KIFAP3: variants seen among roughly 807,000 people sequenced by gnomAD.
The protein encoded by KIFAP3 is kinesin associated protein 3.
KIFAP3 carries 68 observed loss-of-function variants against 106.5 expected under a neutral mutation model. The ratio of observed to expected loss-of-function variants is 0.64; its 90% CI spans 0.53 to 0.78. The LOEUF is 0.78. Ranked by LOEUF, KIFAP3 falls within the 30% of genes least tolerant of loss-of-function variation. The pLI is 0.00. For synonymous variants in KIFAP3, 320 were observed against 311.5 expected (o/e 1.03, Z -0.29); for missense variants, 780 against 941.8 (o/e 0.83, Z 2.25).
At chr1:169,978,252 G>A (rs1666332603) in intron 15 of KIFAP3, 69 bp from the exon 16 acceptor site, 2 of 992,046 alleles carry the variant, frequency 2.0e-6, no homozygotes, top group African/African-American at 1.6e-5. Context: ...TAATTGAGGG[G>A]AATAATATAG....
At chr1:170,008,297 T>C (rs558345352) in intron 10 of KIFAP3, among the ~76,000 whole-genome samples, 2 of 151,552 alleles carry the variant, frequency 1.3e-5, no homozygotes, top group Non-Finnish European at 2.9e-5. Context: ...AGAGCTTCTG[T>C]ACAGCAAAAG....
At chr1:170,014,546 A>T (rs780967495) in intron 10 of KIFAP3, among the ~76,000 whole-genome samples, 1 of 152,214 alleles carries the variant, frequency 6.6e-6, no homozygotes, top group Non-Finnish European at 1.5e-5. Context: ...TCTATAAAGT[A>T]TCAATATAGG....
At chr1:169,994,818 T>C (rs1197266545) in intron 10 of KIFAP3, among the ~76,000 whole-genome samples, 3 of 152,082 alleles carry the variant, frequency 2.0e-5, no homozygotes, top group Non-Finnish European at 4.4e-5. Flanking sequence ...ACATTTCTTC[T>C]ATTGTTTGAA....
rs549428254 is a variant in KIFAP3, at chr1:170,079,777, G to GT, written n.174+5257dup. ...TTTGTGGTTCCATATGGACTTCAGG[G>GT]TTTTTTTTTTAATATTTCTATTAAA... On this transcript the variant is annotated intron_variant and non_coding_transcript_variant, in intron 1 of 5. Coordinates refer to the KIFAP3 transcript ENST00000490550. 4.6e-4 allele frequency among the ~76,000 whole-genome samples: 68 copies of GT among 146,874 alleles called. No individual in the cohort carries two copies. In the Middle Eastern group the frequency reaches 0.011, roughly 23 times the overall value.
chr1:169,936,762 G>A (rs1663827416), intron 19 of KIFAP3, among the ~76,000 whole-genome samples: 1 of 151,384 alleles, frequency 6.6e-6, no homozygotes, highest in South Asian at 2.1e-4. Context: ...ATGAGGGGGA[G>A]TATTATTTAA....
rs1173674314 is a variant in KIFAP3, at chr1:169,982,861, C to T, written c.1513G>A (p.Val505Ile). The T allele has an allele frequency of 2.0e-6, 3 of 1,473,892 alleles. No individual in the cohort carries two copies. Among genetic ancestry groups the T allele is most frequent in the Middle Eastern group, 3.6e-4 (2 of 5,628 alleles). 91.3% of individuals were successfully genotyped at this position (1,473,892 alleles called of 1,614,324 possible). A position where few individuals can be genotyped will look rare whatever the true frequency, so the allele number is the denominator to read the frequency against. Residue 505 changes from valine (V) to isoleucine (I), a missense_variant, in exon 14 of 20, where the codon GTT becomes ATT. Physicochemically the swap from Val to Ile is conservative, Grantham distance 29 (BLOSUM62 3). Around this residue, in one of 3 missense-constraint regions of KIFAP3, gnomAD observed 588 missense variants for 678.9 expected, o/e 0.87. Coordinates refer to ENST00000361580, the MANE Select transcript of KIFAP3 (RefSeq NM_014970.4). ...GAGATCTGGGCTGCAAGGTCCCCAA[C>T]ATAATCCTGAATAAAACATAATTTT... is the stretch of plus-strand genomic sequence containing the variant. Reference protein sequence around the residue: ...GPTKNLFIDYVGDLAAQISND... With the variant: ...GPTKNLFIDYIGDLAAQISND...
intron 3 of KIFAP3, chr1:170,041,852 G>A (rs924987944): frequency 1.4e-6 from 2 of 1,416,150 alleles, no homozygotes; most frequent in African/African-American, 1.4e-5. Flanking sequence ...TGTAAAAAGG[G>A]CCCTGTTTAA....
At chr1:169,982,151 AT>A in intron 14 of KIFAP3, 54 bp from the exon 15 acceptor site, 1 of 1,555,226 alleles carries the variant, frequency 6.4e-7, no homozygotes, top group Non-Finnish European at 8.8e-7. Flanking sequence ...ATCCAAATTC[AT>A]TTAGAGTATC....
chr1:170,002,842 C>T (rs1667734925), intron 10 of KIFAP3, among the ~76,000 whole-genome samples: 1 of 152,128 alleles, frequency 6.6e-6, no homozygotes, highest in African/African-American at 2.4e-5. Context: ...GGTAACACTA[C>T]TAATTCCTCA....
intron 11 of KIFAP3, among the ~76,000 whole-genome samples, chr1:169,988,532 C>T (rs776378420): frequency 7.9e-5 from 12 of 151,760 alleles, no homozygotes; most frequent in Non-Finnish European, 1.5e-4. Context: ...ATATTCCAAC[C>T]GGGGTTATGA....
intron 1 of KIFAP3, among the ~76,000 whole-genome samples, chr1:170,058,400 G>A (rs1191984550): frequency 6.6e-6 from 1 of 152,148 alleles, no homozygotes; most frequent in Non-Finnish European, 1.5e-5. Context: ...CTCTCTGGCA[G>A]GACTGCTATG....
Position 169,978,815 on chromosome 1 carries a change from AAACAGAGTTTCAGGTC to A in KIFAP3, c.1799-648_1799-633del, listed in dbSNP as rs1666361935. On this transcript the variant is annotated intron_variant, in intron 15 of 19. Coordinates refer to ENST00000361580, the MANE Select transcript of KIFAP3 (RefSeq NM_014970.4). The stretch of plus-strand genomic sequence containing the variant: ...TGGTAAAAGTTCAATGACATTTTAG[AAACAGAGTTTCAGGTC>A]AACAGAGTATCAAACCAGTTGTGTA... Among the ~76,000 whole-genome samples the A allele has an allele frequency of 3.9e-5, 6 of 152,232 alleles. No individual in the cohort carries two copies. In the South Asian group the frequency reaches 1.2e-3, roughly 32 times the overall value.
At chr1:169,979,255 G>T (rs1024109534) in intron 15 of KIFAP3, among the ~76,000 whole-genome samples, 1 of 151,948 alleles carries the variant, frequency 6.6e-6, no homozygotes, top group African/African-American at 2.4e-5. Flanking sequence ...TATCAACTAC[G>T]TGTCTTTACT....
intron 17 of KIFAP3, among the ~76,000 whole-genome samples, chr1:169,964,595 T>C (rs1352307645): frequency 1.3e-5 from 2 of 152,160 alleles, no homozygotes; most frequent in East Asian, 3.9e-4. Flanking sequence ...ATATTAATAT[T>C]ATCCTATCGT....
At chr1:170,038,947 G>A (rs542811302) in intron 4 of KIFAP3, among the ~76,000 whole-genome samples, 31 of 152,154 alleles carry the variant, frequency 2.0e-4, no homozygotes, top group South Asian at 4.1e-4. Flanking sequence ...GCTGGGCGTG[G>A]TGGCACATGC....
intron 1 of KIFAP3, 109 bp downstream of exon 1, chr1:170,074,327 C>A: frequency 8.0e-7 from 1 of 1,252,452 alleles, no homozygotes; most frequent in South Asian, 1.3e-5. Flanking sequence ...TCCCTGCTTC[C>A]CATCCCGTCT....
At chr1:170,024,689 C>T in intron 8 of KIFAP3, 93 bp from the exon 9 acceptor site, 1 of 693,394 alleles carries the variant, frequency 1.4e-6, no homozygotes, top group East Asian at 3.2e-5. Flanking sequence ...ACAGAGATAG[C>T]CCTAAAAAGG....
intron 8 of KIFAP3, 112 bp from the exon 9 acceptor site, chr1:170,024,708 T>G (rs1282063885): frequency 1.7e-6 from 1 of 589,338 alleles, no homozygotes; most frequent in Non-Finnish European, 2.7e-6. Context: ...GGTAATATAT[T>G]ATTTTGAAAA....
intron 10 of KIFAP3, among the ~76,000 whole-genome samples, chr1:170,008,692 C>T (rs1668094536): frequency 6.6e-6 from 1 of 152,208 alleles, no homozygotes; most frequent in African/African-American, 2.4e-5. Flanking sequence ...TTAGTTCAAC[C>T]ATTGTGGAAG....
Sources: allele counts gnomAD v4.1 joint callset (sites outside exome capture counted in the v4.1 genomes callset), GRCh38; gene constraint gnomAD v4.1.1; regional missense constraint gnomAD v4.1.1; transcripts MANE v1.5; gene names NCBI Gene and HGNC (gene_info 2026-07-23, HGNC 2026-07-21).